The following ATXN1 variants were observed in gnomAD, a reference collection of about 807,000 sequenced individuals.
ATXN1 encodes the protein ataxin 1.
A neutral mutation model predicts 56.4 loss-of-function variants in ATXN1; 8 were observed. The observed-to-expected ratio is 0.14, with a 90% confidence interval of 0.08 to 0.26. The LOEUF (loss-of-function observed/expected upper bound fraction) is 0.26, where lower values mean the gene tolerates loss of function less well. ATXN1 is among the 10% of genes least tolerant of loss of function. ATXN1 has a pLI of 1.00. For synonymous variants in ATXN1, 514 were observed against 494.6 expected (o/e 1.04, Z -0.52); for missense variants, 987 against 1,106.5 (o/e 0.89, Z 1.53).
At chr6:16,445,294 T>C (rs867945817) in intron 6 of ATXN1, among the ~76,000 whole-genome samples, 1 of 152,186 alleles carries the variant, frequency 6.6e-6, no homozygotes, top group African/African-American at 2.4e-5. Context: ...TAATCATTTA[T>C]AGAAATAGTA....
intron 6 of ATXN1, among the ~76,000 whole-genome samples, chr6:16,377,081 G>A (rs746077267): frequency 6.6e-6 from 1 of 152,058 alleles, no homozygotes; most frequent in Non-Finnish European, 1.5e-5. Context: ...CCCAGAGAGC[G>A]ACCTTGCTCC....
chr6:16,369,956 C>T (rs559462832), intron 6 of ATXN1, among the ~76,000 whole-genome samples: 1 of 152,264 alleles, frequency 6.6e-6, no homozygotes, highest in South Asian at 2.1e-4. Context: ...AGCAGCACAA[C>T]CTGGACGTGC....
intron 2 of ATXN1, among the ~76,000 whole-genome samples, chr6:16,676,533 A>T (rs1373540716): frequency 6.6e-6 from 1 of 152,216 alleles, no homozygotes; most frequent in Admixed American, 6.5e-5. Context: ...GGCCCTGAGG[A>T]TACACATGAG....
At chr6:16,456,542 C>T (rs997783603) in intron 6 of ATXN1, among the ~76,000 whole-genome samples, 3 of 152,280 alleles carry the variant, frequency 2.0e-5, no homozygotes, top group African/African-American at 7.2e-5. Flanking sequence ...AGAGGAAAGC[C>T]ATTCAGCTCC....
rs1263950482 is a variant in ATXN1 at position 16,326,587 on chromosome 6, A to G, written c.1724T>C (p.Met575Thr). 2 of 1,613,942 alleles carry G rather than the reference A, an allele frequency of 1.2e-6. No homozygotes were observed. Among genetic ancestry groups the G allele is most frequent in the Non-Finnish European group, 1.7e-6 (2 of 1,180,008 alleles). The change falls in exon 7 of 8, where the codon ATG becomes ACG. Residue 575 changes from methionine (M) to threonine (T), a missense_variant. Met to Thr is a moderately conservative substitution (Grantham distance 81). Around this residue, in one of 3 missense-constraint regions of ATXN1, gnomAD observed 68 missense variants for 118.1 expected, o/e 0.58. Transcript: ENST00000436367. The surrounding 1 kb of genome is among the most constrained non-coding windows in gnomAD (Gnocchi z 6.6). ...AAPPTLPPYF[M>T]KGSIIQLANG... ...GGCCAACTGGATGATGGAGCCTTTC[A>G]TGAAGTAGGGAGGCAGCGTAGGGGG...
intron 4 of ATXN1, among the ~76,000 whole-genome samples, chr6:16,558,910 T>C (rs577349110): frequency 8.4e-4 from 128 of 151,858 alleles, no homozygotes; most frequent in African/African-American, 3.0e-3. Flanking sequence ...AGCTGTTACA[T>C]GCTCCTAAAA....
chr6:16,685,555 C>T (rs1339952418), intron 2 of ATXN1, among the ~76,000 whole-genome samples: 1 of 152,158 alleles, frequency 6.6e-6, no homozygotes, highest in Non-Finnish European at 1.5e-5. Context: ...CAGCAGTACT[C>T]CCTGCTAGAA....
chr6:16,391,471 T>C (rs553705075), intron 6 of ATXN1, among the ~76,000 whole-genome samples: 2 of 152,320 alleles, frequency 1.3e-5, no homozygotes, highest in East Asian at 3.9e-4. Context: ...TTTAAAAACA[T>C]TTCCCCCAAG....
At chr6:16,536,063 C>T (rs1561744223) in intron 4 of ATXN1, among the ~76,000 whole-genome samples, 1 of 151,790 alleles carries the variant, frequency 6.6e-6, no homozygotes, top group Non-Finnish European at 1.5e-5. Flanking sequence ...AAACCAAAAA[C>T]CAAATTAGCT....
At chr6:16,333,568 C>T (rs1023161300) in intron 6 of ATXN1, among the ~76,000 whole-genome samples, 1 of 152,178 alleles carries the variant, frequency 6.6e-6, no homozygotes, top group Non-Finnish European at 1.5e-5. Context: ...TTTCCTACAC[C>T]CCCAATCCTG....
intron 3 of ATXN1, among the ~76,000 whole-genome samples, chr6:16,633,390 T>G (rs971373695): frequency 6.6e-6 from 1 of 152,204 alleles, no homozygotes; most frequent in African/African-American, 2.4e-5. Flanking sequence ...AGTTTTCTTT[T>G]CCAGTTTTGG....
At chr6:16,704,671 A>G (rs888122707) in intron 2 of ATXN1, among the ~76,000 whole-genome samples, 2 of 152,158 alleles carry the variant, frequency 1.3e-5, no homozygotes, top group Non-Finnish European at 2.9e-5. Flanking sequence ...CCCGGGGTGA[A>G]ACAATTCCTT....
intron 6 of ATXN1, among the ~76,000 whole-genome samples, chr6:16,476,854 C>T (rs1052413820): frequency 2.0e-5 from 3 of 152,184 alleles, no homozygotes; most frequent in African/African-American, 7.2e-5. Flanking sequence ...AGTGAATATA[C>T]CTTCTGTTGA....
At chr6:16,435,518 G>A (rs2327979) in intron 6 of ATXN1, among the ~76,000 whole-genome samples, 45,535 of 151,994 alleles carry the variant, frequency 0.3, 7,731 homozygotes, top group Middle Eastern at 0.47. Flanking sequence ...GAAGCCAAGG[G>A]AGGAAGGTAT....
In ATXN1 at chr6:16,547,896, G is replaced by T. The variant is rs549513883; in HGVS notation, c.-360-25208C>A. Among the ~76,000 whole-genome samples, 13 of 152,288 alleles carry T rather than the reference G, an allele frequency of 8.5e-5. No homozygotes were observed. In the East Asian group the frequency reaches 1.9e-3, roughly 23 times the overall value. On this transcript the variant is annotated intron_variant, in intron 4 of 7. Transcript: ENST00000436367. ...AGCCATTGTTCATGGACACTGGGAG[G>T]TTTAGCCTGTCAACATTTTGGTGGG...
intron 4 of ATXN1, among the ~76,000 whole-genome samples, chr6:16,534,352 A>G (rs539209052): frequency 2.6e-5 from 4 of 151,882 alleles, no homozygotes; most frequent in Admixed American, 6.6e-5. Context: ...TAGAGAATTC[A>G]AAGCACCAAA....
At chr6:16,729,828 C>T (rs1419422468) in intron 2 of ATXN1, among the ~76,000 whole-genome samples, 2 of 152,178 alleles carry the variant, frequency 1.3e-5, no homozygotes, top group South Asian at 4.1e-4. Flanking sequence ...GAGAAAATGG[C>T]CCTCTGAACA....
At position 16,306,306 on chromosome 6, in the gene ATXN1, G is replaced by A. The variant is rs763601497; in HGVS notation, c.*23C>T. 11 of 1,574,656 alleles carry A rather than the reference G, an allele frequency of 7.0e-6. No homozygotes were observed. Among genetic ancestry groups the A allele is most frequent in the Non-Finnish European group, 9.5e-6 (11 of 1,163,706 alleles). On this transcript the variant is annotated 3_prime_UTR_variant, in exon 8 of 8. Transcript: ENST00000436367. This position sits in a 1 kb window ranked among gnomAD's most constrained non-coding sequence, Gnocchi z 5.2. ...GATACAAATGATAAGGGAGAGCCAC[G>A]TTTCCTTTCCCCCACGCTGCCTCTA...
intron 4 of ATXN1, among the ~76,000 whole-genome samples, chr6:16,576,553 C>A (rs1762425276): frequency 6.6e-6 from 1 of 152,332 alleles, no homozygotes; most frequent in South Asian, 2.1e-4. Flanking sequence ...GATGAATAAG[C>A]AAATTCTCCT....
Sources: gnomAD v4.1 joint callset for allele counts (sites outside exome capture counted in the v4.1 genomes callset) on GRCh38, gnomAD v4.1.1 for gene constraint, gnomAD v4.1.1 regional missense constraint, Gnocchi (gnomAD v3.1) non-coding constraint, MANE v1.5 for transcripts, NCBI Gene and HGNC (gene_info 2026-07-23, HGNC 2026-07-21) for gene names.